The following PI4KA variants were observed in gnomAD, a reference collection of about 807,000 sequenced individuals.
PI4KA encodes the protein PI4-kinase alpha.
Under a neutral mutation model 271.4 loss-of-function variants are expected in PI4KA, and 122 were observed. The observed-to-expected ratio is 0.45, with a 90% confidence interval of 0.39 to 0.52. The LOEUF (loss-of-function observed/expected upper bound fraction) is 0.52, where lower values mean the gene tolerates loss of function less well. Among genes scored for constraint, PI4KA ranks in the 20% least tolerant of loss-of-function variants. The pLI is 0.00. For synonymous variants in PI4KA, 1,041 were observed against 1,078.8 expected, an observed-to-expected ratio of 0.96 and a Z score of 0.69; for missense variants, 1,969 against 2,769.1, an observed-to-expected ratio of 0.71 and a Z score of 6.48.
intron 31 of PI4KA, 89 bp from the exon 32 acceptor site, chr22:20,742,444 G>C: frequency 6.4e-7 from 1 of 1,570,618 alleles, no homozygotes; most frequent in Non-Finnish European, 8.7e-7. Flanking sequence ...TGACCAGCTG[G>C]GGCCAGTGAT....
Position 20,805,165 on chromosome 22 carries a change from T to A in PI4KA, c.1169A>T (p.Asp390Val). 6.2e-7 allele frequency: 1 copy of A among 1,611,670 alleles called. No homozygotes were observed. The highest frequency in any genetic ancestry group is 2.2e-5 in the East Asian group (1 of 44,834). ...CTCCTTCACAAAAGAGGTCGGGAGG[T>A]CTGTAGGAAAGAGTGTGGCATCACA... ...MLRDTLYYMK[D>V]LPTSFVKEIH... is the part of the protein sequence containing the mutation. The change falls in exon 11 of 55, where the codon GAC (aspartate) becomes GTC (valine). Residue 390 changes from aspartate (D) to valine (V), a missense_variant and splice_region_variant. By Grantham distance (152) the Asp-to-Val change is radical. Around this residue, in one of 13 missense-constraint regions of PI4KA, gnomAD observed 540 missense variants for 555.5 expected, o/e 0.97. Coordinates refer to ENST00000255882, the MANE Select transcript of PI4KA (RefSeq NM_058004.4).
chr22:20,710,012 G>A lies in PI4KA; in HGVS notation c.6084-15C>T. ...CCATGTAGGGCCTGGGGAGAGATAG[G>A]AGGGAGCGGTGGGCTGAGGCCAGCC... On this transcript the variant is annotated splice_polypyrimidine_tract_variant and intron_variant, in intron 52 of 54. Transcript: ENST00000255882. The A allele has an allele frequency of 1.3e-6, 2 of 1,588,562 alleles. No individual in the cohort carries two copies. The highest frequency in any genetic ancestry group is 1.1e-5 in the South Asian group (1 of 90,574).
At position 20,796,229 on chromosome 22, in the gene PI4KA, T is replaced by C; in HGVS notation, c.2194A>G (p.Asn732Asp). Residue 732 changes from asparagine (N) to aspartate (D), a missense_variant, in exon 18 of 55, where the codon AAC becomes GAC. Physicochemically the swap from Asn to Asp is conservative, Grantham distance 23. This residue lies in a region of PI4KA where 368 missense variants were observed against 544.3 expected (regional missense o/e 0.68). Transcript: ENST00000255882. ...AGCTGCACAAACAACTCCAACAGGT[T>C]CATGAGCAGCTCATCCACCAGGTGC... ...DEHLVDELLM[N>D]LLELFVQLGL... 1.9e-6 allele frequency: 3 copies of C among 1,614,100 alleles called. No homozygotes were observed. The highest frequency in any genetic ancestry group is 2.5e-6 in the Non-Finnish European group (3 of 1,180,006).
intron 42 of PI4KA, among the ~76,000 whole-genome samples, chr22:20,724,424 T>C (rs1295090588): frequency 6.6e-6 from 1 of 151,400 alleles, no homozygotes; most frequent in Non-Finnish European, 1.5e-5. Flanking sequence ...CTGGCCAACA[T>C]GGTGAAACCC....
chr22:20,717,865 C>T, intron 44 of PI4KA, 87 bp from the exon 45 acceptor site: 2 of 821,034 alleles, frequency 2.4e-6, no homozygotes, highest in South Asian at 2.9e-5. Flanking sequence ...GCCTGGATTG[C>T]CCTCTCTGTC....
chr22:20,752,883 T>C lies in PI4KA; in HGVS notation c.2987+20A>G, dbSNP rs754753857. The C allele has an allele frequency of 3.7e-6, 6 of 1,612,054 alleles. No homozygotes were observed. Among genetic ancestry groups the C allele is most frequent in the East Asian group, 2.2e-5 (1 of 44,874 alleles). ...GTTTATATACATACACACAAAACAT[T>C]AGCAGGAAAATGAGCTTACTTATCC... On this transcript the variant is annotated intron_variant, in intron 25 of 54. Coordinates refer to ENST00000255882, the MANE Select transcript of PI4KA (RefSeq NM_058004.4).
intron 22 of PI4KA, among the ~76,000 whole-genome samples, chr22:20,761,886 T>C (rs914697406): frequency 1.3e-5 from 2 of 151,876 alleles, no homozygotes; most frequent in Non-Finnish European, 2.9e-5. Flanking sequence ...TGTGTATGTG[T>C]AGGCTATGCA....
chr22:20,711,268 G>C (rs1314168406), intron 51 of PI4KA, 73 bp downstream of exon 51: 1 of 1,009,736 alleles, frequency 9.9e-7, no homozygotes, highest in East Asian at 3.0e-5. Flanking sequence ...TCCTCTCTGT[G>C]GGGTGGGGAT....
intron 8 of PI4KA, among the ~76,000 whole-genome samples, chr22:20,812,656 C>T (rs1195235929): frequency 3.3e-5 from 5 of 152,164 alleles, no homozygotes; most frequent in Admixed American, 6.6e-5. Context: ...AAGGTTCAAG[C>T]GATCCTCCTA....
At chr22:20,857,139 C>T (rs1023218196) in intron 1 of PI4KA, among the ~76,000 whole-genome samples, 4 of 152,170 alleles carry the variant, frequency 2.6e-5, no homozygotes. Context: ...TCACAATACT[C>T]CTATGAAGTA....
chr22:20,761,618 C>T (rs1001546761), intron 22 of PI4KA, among the ~76,000 whole-genome samples: 6 of 152,196 alleles, frequency 3.9e-5, no homozygotes, highest in African/African-American at 1.4e-4. Context: ...GTTACATGCA[C>T]AAGGATTCTC....
At chr22:20,737,428 C>A (rs1461387745) in intron 32 of PI4KA, among the ~76,000 whole-genome samples, 1 of 152,046 alleles carries the variant, frequency 6.6e-6, no homozygotes, top group Non-Finnish European at 1.5e-5. Flanking sequence ...CAGGGGTCAA[C>A]CAACCCACTC....
At chr22:20,752,246 C>T (rs766416555) in intron 25 of PI4KA, among the ~76,000 whole-genome samples, 3 of 152,194 alleles carry the variant, frequency 2.0e-5, no homozygotes, top group Non-Finnish European at 4.4e-5. Context: ...ACACACGCCA[C>T]GTGTGTGCTG....
chr22:20,764,711 A>T, intron 22 of PI4KA, 106 bp downstream of exon 22: 1 of 1,239,454 alleles, frequency 8.1e-7, no homozygotes, highest in Non-Finnish European at 1.1e-6. Context: ...GAAAGTTTGC[A>T]TGTCTTGGGA....
At chr22:20,712,847 C>T (rs1925490258) in intron 48 of PI4KA, 50 bp from the exon 49 acceptor site, 5 of 1,550,708 alleles carry the variant, frequency 3.2e-6, no homozygotes, top group Non-Finnish European at 4.4e-6. Flanking sequence ...CCTTGCACCC[C>T]AGCAGCTCTT....
At chr22:20,716,064 T>C (rs1925966443) in intron 45 of PI4KA, among the ~76,000 whole-genome samples, 1 of 152,154 alleles carries the variant, frequency 6.6e-6, no homozygotes, top group Admixed American at 6.5e-5. Flanking sequence ...TAGTTTTTTT[T>C]TTTTGAGACC....
chr22:20,845,774 A>G (rs898672700), intron 1 of PI4KA, among the ~76,000 whole-genome samples: 3 of 152,138 alleles, frequency 2.0e-5, no homozygotes. Flanking sequence ...CTGAGGTGGG[A>G]GTACTGCTTG....
At chr22:20,770,511 C>A (rs1932819245) in intron 19 of PI4KA, among the ~76,000 whole-genome samples, 1 of 44,302 alleles carries the variant, frequency 2.3e-5, no homozygotes, top group Non-Finnish European at 4.2e-5. Flanking sequence ...AAAACTCCGT[C>A]TCAAAAAAAA....
intron 48 of PI4KA, 195 bp downstream of exon 48, chr22:20,713,086 G>T (rs1455579781): frequency 3.3e-5 from 23 of 695,740 alleles, no homozygotes; most frequent in South Asian, 2.3e-4. Context: ...GGCATGGCGG[G>T]GACAGTGGGA....
Sources: allele counts gnomAD v4.1 joint callset (sites outside exome capture counted in the v4.1 genomes callset), GRCh38; gene constraint gnomAD v4.1.1; regional missense constraint gnomAD v4.1.1; transcripts MANE v1.5; gene names NCBI Gene and HGNC (gene_info 2026-07-23, HGNC 2026-07-21).